Variants in NSUN6 observed in about 807,000 individuals in gnomAD.
NSUN6 encodes the protein NOP2/Sun RNA methyltransferase 6.
In NSUN6, 64 loss-of-function variants were observed where a neutral mutation model predicts 58.0. The ratio of observed to expected loss-of-function variants is 1.10; its 90% CI spans 0.90 to 1.36. NSUN6 has a LOEUF of 1.36. NSUN6 is among the 40% of genes most tolerant of loss of function. The pLI is 0.00. For synonymous variants in NSUN6, 231 were observed against 193.9 expected, an observed-to-expected ratio of 1.19 and a Z score of -1.59; for missense variants, 701 against 550.1, an observed-to-expected ratio of 1.27 and a Z score of -2.74.
chr10:18,580,213 A>T (rs1157030055), intron 8 of NSUN6, among the ~76,000 whole-genome samples: 1 of 152,184 alleles, frequency 6.6e-6, no homozygotes, highest in African/African-American at 2.4e-5. Flanking sequence ...ATGAAGAAAC[A>T]TTTATTTAAG....
intron 6 of NSUN6, among the ~76,000 whole-genome samples, chr10:18,600,939 AAAATATATATATATATATATACAT>A (rs1564784685): frequency 3.2e-5 from 1 of 31,576 alleles, no homozygotes; most frequent in Non-Finnish European, 6.9e-5. Flanking sequence ...AAAAAAAAAA[AAAATATATATATATATATATACAT>A]ATATATATAT....
At chr10:18,613,387 A>G (rs7073004) in intron 5 of NSUN6, among the ~76,000 whole-genome samples, 20,860 of 152,082 alleles carry the variant, frequency 0.14, 1,825 homozygotes, top group East Asian at 0.4. Flanking sequence ...GTGAGCCACC[A>G]CGCCCGGCCA....
At chr10:18,637,527 T>C (rs2059258254) in intron 3 of NSUN6, among the ~76,000 whole-genome samples, 1 of 152,236 alleles carries the variant, frequency 6.6e-6, no homozygotes, top group South Asian at 2.1e-4. Flanking sequence ...AAATCTCTCA[T>C]ATACTGCTGA....
chr10:18,652,252 G>C, upstream of NSUN6: 1 of 983,790 alleles, frequency 1.0e-6, no homozygotes, highest in Non-Finnish European at 1.2e-6. Context: ...AAGCAGACAA[G>C]GATATAGATT....
At chr10:18,558,573 G>C (rs965301345) in intron 8 of NSUN6, among the ~76,000 whole-genome samples, 1 of 151,494 alleles carries the variant, frequency 6.6e-6, no homozygotes, top group African/African-American at 2.4e-5. Flanking sequence ...ATGGAGTGGA[G>C]AATGGAATGT....
At chr10:18,634,960 C>T (rs1478606852) in intron 3 of NSUN6, among the ~76,000 whole-genome samples, 4 of 152,112 alleles carry the variant, frequency 2.6e-5, no homozygotes, top group African/African-American at 7.2e-5. Flanking sequence ...CAGTTCCCAA[C>T]GGTGACATAA....
chr10:18,590,623 C>T (rs1287117091), intron 7 of NSUN6, among the ~76,000 whole-genome samples: 1 of 152,178 alleles, frequency 6.6e-6, no homozygotes, highest in Non-Finnish European at 1.5e-5. Context: ...CGCACGACTA[C>T]ATGGAAATTG....
chr10:18,630,793 G>C (rs577791550), intron 3 of NSUN6, among the ~76,000 whole-genome samples: 1 of 152,300 alleles, frequency 6.6e-6, no homozygotes, highest in Non-Finnish European at 1.5e-5. Flanking sequence ...TCCAGTACCA[G>C]ATGGATTCAC....
At chr10:18,598,400 C>T (rs1396031289) in intron 6 of NSUN6, among the ~76,000 whole-genome samples, 3 of 152,206 alleles carry the variant, frequency 2.0e-5, no homozygotes, top group South Asian at 2.1e-4. Flanking sequence ...ACACTAAACA[C>T]TAAAAATAGC....
At chr10:18,645,461 G>A (rs12768372) in intron 2 of NSUN6, among the ~76,000 whole-genome samples, 13,187 of 152,120 alleles carry the variant, frequency 0.087, 849 homozygotes, top group Admixed American at 0.15. Flanking sequence ...TATTCTAAAA[G>A]CTAAAAAATC....
intron 8 of NSUN6, among the ~76,000 whole-genome samples, chr10:18,556,807 CTGAAA>C (rs1476332576): frequency 1.5e-5 from 2 of 135,382 alleles, no homozygotes; most frequent in Non-Finnish European, 1.6e-5. Context: ...GGAGACTGAA[CTGAAA>C]TGGAGAGTGG....
chr10:18,567,962 CTCCATTCCATTCCCCAT>C (rs762868661), intron 8 of NSUN6, among the ~76,000 whole-genome samples: 37 of 150,310 alleles, frequency 2.5e-4, no homozygotes, highest in African/African-American at 8.8e-4. Context: ...CTATTCCTTT[CTCCATTCCATTCCCCAT>C]TCCATTCCAT....
chr10:18,626,168 A>G (rs960483249), intron 3 of NSUN6, among the ~76,000 whole-genome samples: 1 of 152,098 alleles, frequency 6.6e-6, no homozygotes, highest in Non-Finnish European at 1.5e-5. Context: ...TAAGGACCGA[A>G]AGCAAACACT....
chr10:18,567,338 A>G (rs1307313283), intron 8 of NSUN6, among the ~76,000 whole-genome samples: 1 of 148,298 alleles, frequency 6.7e-6, no homozygotes, highest in Non-Finnish European at 1.5e-5. Flanking sequence ...ATTCCATTCC[A>G]TTCCATTCTA....
At chr10:18,599,924 T>C (rs1427658324) in intron 6 of NSUN6, among the ~76,000 whole-genome samples, 3 of 150,762 alleles carry the variant, frequency 2.0e-5, no homozygotes, top group African/African-American at 7.2e-5. Context: ...ATTCTGTGGA[T>C]TGTGTTTAAG....
chr10:18,633,868 C>T (rs888726323), intron 3 of NSUN6, among the ~76,000 whole-genome samples: 1 of 152,168 alleles, frequency 6.6e-6, no homozygotes, highest in Non-Finnish European at 1.5e-5. Flanking sequence ...ATAAGAAAGC[C>T]TTCCCCGCCC....
chr10:18,655,162 C>T (rs777658447), upstream of NSUN6: 45 of 982,436 alleles, frequency 4.6e-5, no homozygotes, highest in African/African-American at 7.0e-4. Context: ...TTATCTTGCT[C>T]GTATCCTTCC....
upstream of NSUN6, among the ~76,000 whole-genome samples, chr10:18,653,686 T>C (rs570353485): frequency 3.3e-5 from 5 of 152,208 alleles, no homozygotes; most frequent in Admixed American, 6.5e-5. Context: ...TAGACTATTC[T>C]TGACTAGATG....
At chr10:18,590,753 T>C (rs965488638) in intron 7 of NSUN6, among the ~76,000 whole-genome samples, 4 of 152,122 alleles carry the variant, frequency 2.6e-5, no homozygotes, top group Non-Finnish European at 5.9e-5. Flanking sequence ...ACACAGTTAA[T>C]GCAGTGTTAA....
Sources: allele counts gnomAD v4.1 joint callset (sites outside exome capture counted in the v4.1 genomes callset), GRCh38; gene constraint gnomAD v4.1.1; transcripts MANE v1.5; gene names NCBI Gene and HGNC (gene_info 2026-07-23, HGNC 2026-07-21).